The following MACROD2 variants were observed in gnomAD, a reference collection of about 807,000 sequenced individuals.
MACROD2 encodes mono-ADP ribosylhydrolase 2.
In MACROD2, 36 loss-of-function variants were observed where a neutral mutation model predicts 70.4. The observed-to-expected ratio is 0.51, with a 90% CI of 0.39 to 0.68. The LOEUF is 0.68. MACROD2 is among the 30% of genes least tolerant of loss of function. The pLI, the probability that MACROD2 is intolerant of heterozygous loss-of-function variation, is 0.00. For synonymous variants in MACROD2, 172 were observed against 178.8 expected (o/e 0.96, Z 0.30); for missense variants, 496 against 538.4 (o/e 0.92, Z 0.78).
At chr20:14,600,806 C>G (rs1297040133) in intron 4 of MACROD2, among the ~76,000 whole-genome samples, 3 of 152,162 alleles carry the variant, frequency 2.0e-5, no homozygotes, top group African/African-American at 7.2e-5. Context: ...CCCTGGTACT[C>G]TCTTATTTCT....
intron 3 of MACROD2, among the ~76,000 whole-genome samples, chr20:14,360,933 G>T (rs6074721): frequency 6.6e-6 from 1 of 151,956 alleles, no homozygotes; most frequent in East Asian, 1.9e-4. Flanking sequence ...ATTAAGGGAA[G>T]ATATCTCACA....
intron 4 of MACROD2, among the ~76,000 whole-genome samples, chr20:14,633,310 C>T (rs975210978): frequency 6.6e-6 from 1 of 152,148 alleles, no homozygotes; most frequent in African/African-American, 2.4e-5. Flanking sequence ...TGCTAAGACC[C>T]TTTTTCCACA....
At chr20:14,372,375 C>T (rs1048821317) in intron 3 of MACROD2, among the ~76,000 whole-genome samples, 10 of 100,708 alleles carry the variant, frequency 9.9e-5, no homozygotes, top group Non-Finnish European at 2.1e-4. Context: ...AATACTAAGA[C>T]TGTTTCAGAC....
chr20:15,933,948 T>G (rs953586117), intron 11 of MACROD2, among the ~76,000 whole-genome samples: 2 of 152,190 alleles, frequency 1.3e-5, no homozygotes, highest in Admixed American at 6.5e-5. Context: ...GATTATAAAT[T>G]GAACATTTTA....
chr20:15,318,153 C>T (rs1236924047), intron 6 of MACROD2, among the ~76,000 whole-genome samples: 1 of 152,050 alleles, frequency 6.6e-6, no homozygotes, highest in Non-Finnish European at 1.5e-5. Context: ...AAAGTGGTGA[C>T]ATTTCTATAG....
chr20:15,410,169 A>G (rs1446658410), intron 6 of MACROD2, among the ~76,000 whole-genome samples: 1 of 152,230 alleles, frequency 6.6e-6, no homozygotes, highest in African/African-American at 2.4e-5. Context: ...TACCAAACTT[A>G]CATGGATAAA....
chr20:14,203,206 A>G (rs949086638), intron 3 of MACROD2, among the ~76,000 whole-genome samples: 3 of 152,082 alleles, frequency 2.0e-5, no homozygotes, highest in African/African-American at 7.2e-5. Context: ...AATTTCATTC[A>G]TTGAATTCCT....
chr20:15,908,844 T>G (rs940860992), intron 10 of MACROD2, among the ~76,000 whole-genome samples: 2 of 152,226 alleles, frequency 1.3e-5, no homozygotes, highest in Non-Finnish European at 2.9e-5. Flanking sequence ...TTTCTCTTGC[T>G]TAGCTTTCCA....
At chr20:16,042,369 A>C (rs1312781308) in intron 16 of MACROD2, among the ~76,000 whole-genome samples, 1 of 152,052 alleles carries the variant, frequency 6.6e-6, no homozygotes, top group Non-Finnish European at 1.5e-5. Flanking sequence ...CATGGTTCTT[A>C]ACTAGTTATT....
intron 3 of MACROD2, among the ~76,000 whole-genome samples, chr20:14,248,675 G>C (rs528042881): frequency 6.6e-6 from 1 of 151,596 alleles, no homozygotes; most frequent in South Asian, 2.1e-4. Flanking sequence ...TAGATTTTGG[G>C]TTTAGACTTA....
At position 14,059,652 on chromosome 20, in the gene MACROD2, G is replaced by T. The variant is rs1180063110; in HGVS notation, c.164-25969G>T. Among the ~76,000 whole-genome samples the T allele has an allele frequency of 2.0e-5, 3 of 152,190 alleles. No homozygotes were observed. The East Asian group carries it at 5.8e-4, about 29-fold the overall frequency. On this transcript the variant is annotated intron_variant, in intron 2 of 17. Coordinates refer to ENST00000684519, the MANE Select transcript of MACROD2 (RefSeq NM_001351661.2). ...GAGAGGGGTTAGCCAATGCCCTGATGAGGTTTCATTTTTTGGAAGAACATT... is the reference window on the plus strand; with the variant it reads ...GAGAGGGGTTAGCCAATGCCCTGATTAGGTTTCATTTTTTGGAAGAACATT...
At chr20:15,446,951 G>C (rs1254629214) in intron 7 of MACROD2, among the ~76,000 whole-genome samples, 4 of 152,026 alleles carry the variant, frequency 2.6e-5, no homozygotes, top group East Asian at 1.9e-4. Flanking sequence ...GATATGCATC[G>C]AGTGATCCAG....
chr20:15,350,861 A>G (rs1291941093), intron 6 of MACROD2, among the ~76,000 whole-genome samples: 2 of 152,150 alleles, frequency 1.3e-5, no homozygotes, highest in African/African-American at 2.4e-5. Context: ...CCCTTGAACT[A>G]ATTAACTGGT....
intron 5 of MACROD2, among the ~76,000 whole-genome samples, chr20:14,815,933 A>C (rs1228312757): frequency 6.6e-6 from 1 of 151,990 alleles, no homozygotes; most frequent in African/African-American, 2.4e-5. Context: ...CTCACGTTCT[A>C]TTTGACTCTT....
intron 8 of MACROD2, among the ~76,000 whole-genome samples, chr20:15,775,177 T>A (rs980137257): frequency 1.3e-5 from 2 of 152,110 alleles, no homozygotes; most frequent in East Asian, 3.8e-4. Context: ...ATATTTGTGA[T>A]AGAAGAAACA....
intron 8 of MACROD2, among the ~76,000 whole-genome samples, chr20:15,785,592 T>C (rs1470583978): frequency 6.6e-6 from 1 of 152,056 alleles, no homozygotes; most frequent in Non-Finnish European, 1.5e-5. Context: ...TGTAAGTAGA[T>C]CTTTAAGGGG....
chr20:15,490,233 C>CTCCCTTCCCTTCCCTTCCCTTCCCT (rs199942986), intron 7 of MACROD2, among the ~76,000 whole-genome samples: 13 of 114,318 alleles, frequency 1.1e-4, no homozygotes, highest in African/African-American at 3.5e-4. Flanking sequence ...CCCTTCCTTC[C>CTCCCTTCCCTTCCCTTCCCTTCCCT]TCCCTTCCCT....
chr20:14,927,548 T>C (rs1448135146), intron 5 of MACROD2, among the ~76,000 whole-genome samples: 2 of 152,234 alleles, frequency 1.3e-5, no homozygotes, highest in African/African-American at 2.4e-5. Context: ...ATAGTTTGTG[T>C]TGCTTGCTTT....
chr20:14,489,859 T>TC, intron 3 of MACROD2, among the ~76,000 whole-genome samples: 1 of 128,766 alleles, frequency 7.8e-6, no homozygotes, highest in Non-Finnish European at 1.6e-5. Context: ...TTGAAATACT[T>TC]CTTTTTTTTT....
Sources: allele counts gnomAD v4.1 joint callset (sites outside exome capture counted in the v4.1 genomes callset), GRCh38; gene constraint gnomAD v4.1.1; transcripts MANE v1.5; gene names NCBI Gene and HGNC (gene_info 2026-07-23, HGNC 2026-07-21).